ASIC2: variants seen among roughly 807,000 people sequenced by gnomAD.
ASIC2 encodes acid sensing ion channel subunit 2.
A neutral mutation model predicts 57.3 loss-of-function variants in ASIC2; 25 were observed. The observed-to-expected ratio is 0.44, with a 90% CI of 0.32 to 0.61. ASIC2 has a LOEUF of 0.61. Ranked by LOEUF, ASIC2 falls within the 20% of genes least tolerant of loss-of-function variation. The pLI, the probability that ASIC2 is intolerant of heterozygous loss-of-function variation, is 0.06. For missense variants in ASIC2, 641 were observed against 738.1 expected (o/e 0.87, Z 1.52); for synonymous variants, 319 against 307.5 (o/e 1.04, Z -0.39).
At chr17:33,155,704 C>T (rs775345647) in intron 1 of ASIC2, among the ~76,000 whole-genome samples, 7 of 151,644 alleles carry the variant, frequency 4.6e-5, no homozygotes, top group East Asian at 1.9e-4. Flanking sequence ...GGATTACAGG[C>T]GCCTGCTACC....
intron 1 of ASIC2, among the ~76,000 whole-genome samples, chr17:33,974,080 C>T (rs1054784056): frequency 2.6e-5 from 4 of 152,170 alleles, no homozygotes; most frequent in Non-Finnish European, 5.9e-5. Context: ...TCAGTTTCTT[C>T]AGCTGGGAAA....
At chr17:33,902,411 A>G (rs1234559481) in intron 1 of ASIC2, among the ~76,000 whole-genome samples, 2 of 152,266 alleles carry the variant, frequency 1.3e-5, no homozygotes, top group African/African-American at 4.8e-5. Flanking sequence ...TTAAAAGTAC[A>G]CATCTTCCCA....
At chr17:33,305,906 G>GAT (rs1418619398) in intron 1 of ASIC2, among the ~76,000 whole-genome samples, 21 of 152,156 alleles carry the variant, frequency 1.4e-4, no homozygotes, top group Admixed American at 7.2e-4. Flanking sequence ...AATCACCATA[G>GAT]ATAAAAGCTT....
chr17:34,000,438 A>G (rs1430309845), intron 1 of ASIC2, among the ~76,000 whole-genome samples: 2 of 152,018 alleles, frequency 1.3e-5, no homozygotes, highest in African/African-American at 4.8e-5. Context: ...TTTTTAGTAG[A>G]GATGGGGTTT....
chr17:33,209,935 T>G (rs916395545), intron 1 of ASIC2, among the ~76,000 whole-genome samples: 1 of 152,124 alleles, frequency 6.6e-6, no homozygotes, highest in South Asian at 2.1e-4. Context: ...TATGTCCAAA[T>G]AGGGAACAAC....
At chr17:33,231,605 C>G (rs184983539) in intron 1 of ASIC2, among the ~76,000 whole-genome samples, 3 of 152,258 alleles carry the variant, frequency 2.0e-5, no homozygotes, top group Non-Finnish European at 4.4e-5. Flanking sequence ...ATCCCCACCT[C>G]CAAACTGACC....
At chr17:33,789,999 C>A (rs1390908568) in intron 1 of ASIC2, among the ~76,000 whole-genome samples, 2 of 152,158 alleles carry the variant, frequency 1.3e-5, no homozygotes, top group African/African-American at 4.8e-5. Flanking sequence ...GAGCCAGAAG[C>A]TCTGTATGGA....
chr17:33,802,995 G>A (rs1268072246), intron 1 of ASIC2, among the ~76,000 whole-genome samples: 1 of 152,220 alleles, frequency 6.6e-6, no homozygotes, highest in East Asian at 1.9e-4. Context: ...TTGAGTGTAA[G>A]CATTGCCTTT....
intron 3 of ASIC2, among the ~76,000 whole-genome samples, chr17:33,068,991 T>G (rs1224875938): frequency 6.6e-6 from 1 of 152,220 alleles, no homozygotes; most frequent in Non-Finnish European, 1.5e-5. Flanking sequence ...AATTTACCTG[T>G]TGGTATTGTG....
chr17:33,235,631 T>C (rs1312081370), intron 1 of ASIC2, among the ~76,000 whole-genome samples: 1 of 152,104 alleles, frequency 6.6e-6, no homozygotes. Flanking sequence ...AGAGGAGCCC[T>C]CTGTGCTGCC....
chr17:33,666,159 G>A (rs1366416730), intron 1 of ASIC2, among the ~76,000 whole-genome samples: 1 of 152,048 alleles, frequency 6.6e-6, no homozygotes, highest in Non-Finnish European at 1.5e-5. Context: ...ATAAGCTCCT[G>A]GGGAACAGAC....
At chr17:33,836,506 C>A (rs991531620) in intron 1 of ASIC2, among the ~76,000 whole-genome samples, 4 of 152,038 alleles carry the variant, frequency 2.6e-5, no homozygotes, top group African/African-American at 9.7e-5. Flanking sequence ...CTTTAAGAGG[C>A]AAATACTATT....
At chr17:34,082,401 T>C (rs1909919003) in intron 1 of ASIC2, among the ~76,000 whole-genome samples, 1 of 152,180 alleles carries the variant, frequency 6.6e-6, no homozygotes, top group Admixed American at 6.5e-5. Context: ...TACCATCGTA[T>C]CACAAAACTG....
intron 1 of ASIC2, among the ~76,000 whole-genome samples, chr17:33,897,282 T>C (rs1915120696): frequency 6.6e-6 from 1 of 152,208 alleles, no homozygotes; most frequent in Non-Finnish European, 1.5e-5. Context: ...ATCTATCAAA[T>C]GTCCTCTTGT....
intron 1 of ASIC2, among the ~76,000 whole-genome samples, chr17:33,262,011 A>G (rs571627760): frequency 6.6e-6 from 1 of 152,160 alleles, no homozygotes; most frequent in Non-Finnish European, 1.5e-5. Flanking sequence ...CAGCATCTGG[A>G]GACAGGAGTA....
chr17:33,043,347 C>G (rs1296354813), intron 3 of ASIC2, among the ~76,000 whole-genome samples: 1 of 152,196 alleles, frequency 6.6e-6, no homozygotes, highest in Admixed American at 6.5e-5. Context: ...CAGGGGACAT[C>G]CTAATCTTGG....
chr17:33,740,472 T>A (rs917861939), intron 1 of ASIC2, among the ~76,000 whole-genome samples: 2 of 152,110 alleles, frequency 1.3e-5, no homozygotes, highest in Non-Finnish European at 2.9e-5. Flanking sequence ...TCAGATCTCG[T>A]GAGAGCTCAC....
At chr17:34,093,714 C>T (rs2142090422) in intron 1 of ASIC2, among the ~76,000 whole-genome samples, 1 of 152,360 alleles carries the variant, frequency 6.6e-6, no homozygotes, top group Admixed American at 6.5e-5. Context: ...CAGTCCCCCA[C>T]CATGGGTCCT....
Position 33,292,915 on chromosome 17 carries a change from C to G in ASIC2, c.-800G>C. The G allele has an allele frequency of 1.0e-6, 1 of 985,542 alleles. No individual in the cohort carries two copies. Among genetic ancestry groups the G allele is most frequent in the Non-Finnish European group, 1.2e-6 (1 of 830,002 alleles). 61.0% of individuals were successfully genotyped at this position (985,542 alleles called of 1,614,324 possible). ...GCTTCTCAGGGCGTCCTGCGGGAGG[C>G]TGTTCGCCGCCGGGGTCCTTCAAGG... On this transcript the variant is annotated 5_prime_UTR_variant, in exon 1 of 10. Coordinates refer to ENST00000225823, the MANE Select transcript of ASIC2 (RefSeq NM_183377.2).
Sources: allele counts gnomAD v4.1 joint callset (sites outside exome capture counted in the v4.1 genomes callset), GRCh38; gene constraint gnomAD v4.1.1; transcripts MANE v1.5; gene names NCBI Gene and HGNC (gene_info 2026-07-23, HGNC 2026-07-21).